SCN8A: variants seen among roughly 807,000 people sequenced by gnomAD.
The protein encoded by SCN8A is sodium voltage-gated channel alpha subunit 8.
In SCN8A, 30 loss-of-function variants were observed where a neutral mutation model predicts 184.1. The ratio of observed to expected loss-of-function variants is 0.16; its 90% CI spans 0.12 to 0.22. The LOEUF (loss-of-function observed/expected upper bound fraction) is 0.22. SCN8A is among the 10% of genes least tolerant of loss of function. The pLI is 1.00. For synonymous variants in SCN8A, 852 were observed against 907.0 expected (o/e 0.94, Z 1.09); for missense variants, 1,057 against 2,498.9 (o/e 0.42, Z 12.30).
chr12:51,611,191 A>ATT (rs577822511), intron 1 of SCN8A, among the ~76,000 whole-genome samples: 3 of 141,186 alleles, frequency 2.1e-5, no homozygotes, highest in Non-Finnish European at 4.7e-5. Flanking sequence ...ATACCTAAGT[A>ATT]TTTTTTTTTT....
intron 11 of SCN8A, among the ~76,000 whole-genome samples, chr12:51,718,158 A>G (rs1941995666): frequency 6.6e-6 from 1 of 152,200 alleles, no homozygotes; most frequent in Admixed American, 6.5e-5. Flanking sequence ...GTTAAAGAGG[A>G]GCCCCATAGC....
Position 51,806,207 on chromosome 12 carries a change from A to G in SCN8A, c.4796-75A>G. On this transcript the variant is annotated intron_variant, in intron 26 of 26. Transcript: ENST00000627620. This position sits in a 1 kb window ranked among gnomAD's most constrained non-coding sequence, Gnocchi z 8.7. ...GCCCTTTGAACCTAAGGGTTCCACAATGCCAGGTAAAAAAAATAAAGAGAA... is the reference window on the plus strand; with the variant it reads ...GCCCTTTGAACCTAAGGGTTCCACAGTGCCAGGTAAAAAAAATAAAGAGAA... The G allele has an allele frequency of 7.3e-7, 1 of 1,369,540 alleles. No homozygotes were observed. Among genetic ancestry groups the G allele is most frequent in the East Asian group, 2.3e-5 (1 of 42,764 alleles). The allele number at this position is 1,369,540 out of a possible 1,614,324, so 84.8% of individuals were successfully genotyped here.
At chr12:51,602,272 T>G (rs938791163) in intron 1 of SCN8A, among the ~76,000 whole-genome samples, 1 of 152,190 alleles carries the variant, frequency 6.6e-6, no homozygotes, top group Non-Finnish European at 1.5e-5. Context: ...AACATCACTA[T>G]GTACCCCATA....
chr12:51,763,365 C>G (rs1942791047), intron 15 of SCN8A, among the ~76,000 whole-genome samples: 1 of 152,096 alleles, frequency 6.6e-6, no homozygotes, highest in Non-Finnish European at 1.5e-5. Flanking sequence ...ATGATTTTGG[C>G]CAACTGTAGG....
rs1383014348 is a variant in SCN8A at position 51,809,888 on chromosome 12, A to T, written c.*2459A>T. On this transcript the variant is annotated 3_prime_UTR_variant, in exon 27 of 27. Transcript: ENST00000627620. ...CCCAAACCAGACAGACAGACAAAAA[A>T]TTTTTTATTGCTAATGGTCTTTTCC... The T allele has an allele frequency of 1.3e-5, 2 of 152,188 alleles. No individual in the cohort carries two copies. The highest frequency in any genetic ancestry group is 1.9e-4 in the East Asian group (1 of 5,200). The allele number at this position is 152,188 out of a possible 1,614,324, so 9.4% of individuals were successfully genotyped here.
At chr12:51,601,880 TA>T (rs1458192249) in intron 1 of SCN8A, among the ~76,000 whole-genome samples, 14 of 139,924 alleles carry the variant, frequency 1.0e-4, no homozygotes, top group East Asian at 8.4e-4. Flanking sequence ...TTTTTTTTTT[TA>T]AGAGCAATGC....
chr12:51,661,509 C>G (rs1483132872), intron 1 of SCN8A, among the ~76,000 whole-genome samples: 1 of 152,096 alleles, frequency 6.6e-6, no homozygotes, highest in Non-Finnish European at 1.5e-5. Flanking sequence ...TATCTCATTC[C>G]CAACTTATTT....
chr12:51,746,063 C>T (rs377240422), intron 13 of SCN8A, 28 bp downstream of exon 13: 42 of 1,558,032 alleles, frequency 2.7e-5, no homozygotes, highest in East Asian at 1.1e-4. Flanking sequence ...TCAGTCCAAC[C>T]GCTGAGATAT....
At chr12:51,640,353 T>C (rs12423575) in intron 1 of SCN8A, among the ~76,000 whole-genome samples, 65 of 151,450 alleles carry the variant, frequency 4.3e-4, no homozygotes, top group Admixed American at 4.3e-3. Flanking sequence ...GACTTTATTG[T>C]GATACTTGCT....
intron 2 of SCN8A, among the ~76,000 whole-genome samples, chr12:51,683,876 C>G (rs939038680): frequency 1.3e-5 from 2 of 152,114 alleles, no homozygotes; most frequent in Non-Finnish European, 2.9e-5. Context: ...ACTTCAGTAT[C>G]GTGTACAGAG....
At chr12:51,782,227 C>G (rs553351168) in intron 21 of SCN8A, among the ~76,000 whole-genome samples, 11 of 152,136 alleles carry the variant, frequency 7.2e-5, no homozygotes, top group Admixed American at 2.6e-4. Flanking sequence ...AGACTTTGTC[C>G]CACAGATAAG....
chr12:51,687,341 C>G, intron 5 of SCN8A, 122 bp downstream of exon 5: 1 of 1,108,402 alleles, frequency 9.0e-7, no homozygotes, highest in Non-Finnish European at 1.3e-6. Context: ...AATGGATAAC[C>G]ATGTAAGGCC....
intron 11 of SCN8A, among the ~76,000 whole-genome samples, chr12:51,710,880 C>G (rs1341853069): frequency 6.6e-6 from 1 of 152,118 alleles, no homozygotes; most frequent in Non-Finnish European, 1.5e-5. Flanking sequence ...ATAGAAAGTA[C>G]TCTACATATA....
chr12:51,617,478 T>A (rs1249928095), intron 1 of SCN8A, among the ~76,000 whole-genome samples: 1 of 152,208 alleles, frequency 6.6e-6, no homozygotes, highest in African/African-American at 2.4e-5. Flanking sequence ...GTTCTATTTC[T>A]TCATTAAGAC....
intron 12 of SCN8A, among the ~76,000 whole-genome samples, chr12:51,724,909 CAGTT>C (rs1451282763): frequency 1.3e-5 from 2 of 152,106 alleles, no homozygotes; most frequent in Non-Finnish European, 2.9e-5. Context: ...AATTGAGAGT[CAGTT>C]AAGCAGATGG....
intron 2 of SCN8A, among the ~76,000 whole-genome samples, chr12:51,675,783 A>G (rs1213419514): frequency 6.6e-6 from 1 of 152,206 alleles, no homozygotes; most frequent in Non-Finnish European, 1.5e-5. Flanking sequence ...CCTCAGTTCA[A>G]TGCTAAATTT....
chr12:51,633,208 T>C (rs1199549102), intron 1 of SCN8A, among the ~76,000 whole-genome samples: 2 of 152,238 alleles, frequency 1.3e-5, no homozygotes, highest in Admixed American at 6.5e-5. Flanking sequence ...TTCAAACTGC[T>C]ATGTATCTAC....
At chr12:51,640,466 G>A (rs1395257731) in intron 1 of SCN8A, among the ~76,000 whole-genome samples, 1 of 151,612 alleles carries the variant, frequency 6.6e-6, no homozygotes, top group African/African-American at 2.4e-5. Context: ...GGGAGGGAGA[G>A]ATTTTTTTGA....
chr12:51,620,191 A>G (rs921831257), intron 1 of SCN8A, among the ~76,000 whole-genome samples: 32 of 152,208 alleles, frequency 2.1e-4, no homozygotes, highest in African/African-American at 7.5e-4. Flanking sequence ...ATTTTTCAAT[A>G]CAATGGAGCA....
Sources: gnomAD v4.1 joint callset for allele counts (sites outside exome capture counted in the v4.1 genomes callset) on GRCh38, gnomAD v4.1.1 for gene constraint, Gnocchi (gnomAD v3.1) non-coding constraint, MANE v1.5 for transcripts, NCBI Gene and HGNC (gene_info 2026-07-23, HGNC 2026-07-21) for gene names.